BIRC6: variants seen among roughly 807,000 people sequenced by gnomAD.
BIRC6 encodes dual E2 ubiquitin-conjugating enzyme/E3 ubiquitin-protein ligase BIRC6.
Under a neutral mutation model 503.3 loss-of-function variants are expected in BIRC6, and 98 were observed. That is an observed-to-expected ratio of 0.19 (90% CI 0.17 to 0.23). BIRC6 has a LOEUF of 0.23. Ranked by LOEUF, BIRC6 falls within the 10% of genes least tolerant of loss-of-function variation. The pLI is 1.00. For missense variants in BIRC6, 5,360 were observed against 5,806.0 expected (o/e 0.92, Z 2.50); for synonymous variants, 2,240 against 2,078.7 (o/e 1.08, Z -2.11).
intron 23 of BIRC6, among the ~76,000 whole-genome samples, chr2:32,462,107 A>G (rs538090425): frequency 6.6e-6 from 1 of 152,244 alleles, no homozygotes; most frequent in Non-Finnish European, 1.5e-5. Context: ...AGTTGCCCAT[A>G]AAGTGAATTG....
At chr2:32,416,808 C>G (rs2042424167) in intron 10 of BIRC6, among the ~76,000 whole-genome samples, 1 of 141,838 alleles carries the variant, frequency 7.1e-6, no homozygotes, top group Admixed American at 7.3e-5. Context: ...CCCCCCTCCC[C>G]TTTCTTTCCC....
chr2:32,414,241 C>T (rs967056552), intron 9 of BIRC6, among the ~76,000 whole-genome samples: 2 of 152,188 alleles, frequency 1.3e-5, no homozygotes, highest in African/African-American at 4.8e-5. Context: ...CACACCATTG[C>T]ACTCCAGCCT....
At position 32,568,982 on chromosome 2, in the gene BIRC6, C is replaced by CTTTTTTTT. The variant is rs199909930; in HGVS notation, c.13145-6173_13145-6172insTTTTTTTT. ...TTTTGGAGGAGTCTCCCATGTCTCT[C>CTTTTTTTT]TCTTTTTTTTTTTTTTTTTGAGATG... On this transcript the variant is annotated intron_variant, in intron 65 of 73. Coordinates refer to ENST00000421745, the MANE Select transcript of BIRC6 (RefSeq NM_016252.4). Among the ~76,000 whole-genome samples the CTTTTTTTT allele has an allele frequency of 4.6e-5, 6 of 131,356 alleles. 1 individual carries two copies. The highest frequency in any genetic ancestry group is 8.2e-5 in the Non-Finnish European group (5 of 61,292). The allele number at this position is 131,356 out of a possible 152,430, so 86.2% of individuals were successfully genotyped here. A position where few individuals can be genotyped will look rare whatever the true frequency, so the allele number is the denominator to read the frequency against.
In BIRC6 at chr2:32,358,308, C is replaced by G. The variant is rs150847936; in HGVS notation, c.325+822C>G. On this transcript the variant is annotated intron_variant, in intron 1 of 73. Coordinates refer to ENST00000421745, the MANE Select transcript of BIRC6 (RefSeq NM_016252.4). ...CGAAAATTAGGATTTGAAGGTGTGT[C>G]TGAGTCTCACCATTGGAGGAGAGCA... is the stretch of plus-strand genomic sequence containing the variant. Among the ~76,000 whole-genome samples, 7 of 152,256 alleles carry G rather than the reference C, an allele frequency of 4.6e-5. No homozygotes were observed. In the East Asian group the frequency reaches 1.4e-3, roughly 29 times the overall value.
intron 65 of BIRC6, among the ~76,000 whole-genome samples, chr2:32,556,007 G>A (rs980988773): frequency 1.3e-5 from 2 of 150,124 alleles, no homozygotes; most frequent in Non-Finnish European, 3.0e-5. Flanking sequence ...TCTAGTTTTT[G>A]TGACAGTTAG....
chr2:32,531,083 G>T (rs1329020817), intron 60 of BIRC6, among the ~76,000 whole-genome samples: 6 of 152,112 alleles, frequency 3.9e-5, no homozygotes, highest in African/African-American at 1.4e-4. Context: ...TGTTAAAATG[G>T]AGATTCTTCA....
chr2:32,496,234 T>C (rs1005686485), intron 45 of BIRC6, among the ~76,000 whole-genome samples: 13 of 140,890 alleles, frequency 9.2e-5, no homozygotes, highest in Admixed American at 2.8e-4. Flanking sequence ...ATTCATACAC[T>C]TTTTTTTTTT....
chr2:32,575,759 C>T (rs1312606047), intron 66 of BIRC6, among the ~76,000 whole-genome samples: 5 of 150,458 alleles, frequency 3.3e-5, no homozygotes, highest in African/African-American at 4.9e-5. Flanking sequence ...AGCGAGACTC[C>T]GTCTCAAAAA....
chr2:32,436,269 A>G, intron 15 of BIRC6, 85 bp downstream of exon 15: 3 of 1,193,594 alleles, frequency 2.5e-6, no homozygotes, highest in Non-Finnish European at 2.2e-6. Context: ...AAAAAAAATA[A>G]GATTGTTTTC....
intron 12 of BIRC6, among the ~76,000 whole-genome samples, chr2:32,431,623 T>G (rs903145369): frequency 6.6e-6 from 1 of 152,222 alleles, no homozygotes; most frequent in Non-Finnish European, 1.5e-5. Context: ...TCATATTGCT[T>G]TTGGAAATTG....
intron 2 of BIRC6, 121 bp downstream of exon 2, chr2:32,377,890 T>A (rs1200161218): frequency 1.2e-6 from 1 of 814,554 alleles, no homozygotes; most frequent in African/African-American, 1.8e-5. Flanking sequence ...TAAAAACAAT[T>A]TACTTATTGA....
chr2:32,615,823 C>T (rs759619290), intron 73 of BIRC6, among the ~76,000 whole-genome samples: 34 of 151,912 alleles, frequency 2.2e-4, no homozygotes, highest in Admixed American at 5.9e-4. Context: ...TTTGTAGAGA[C>T]GGGGTTTCAC....
intron 73 of BIRC6, among the ~76,000 whole-genome samples, chr2:32,613,831 T>C (rs557731659): frequency 6.6e-6 from 1 of 152,332 alleles, no homozygotes; most frequent in Non-Finnish European, 1.5e-5. Context: ...GTTTTCCTTT[T>C]TCTTTTTTCC....
intron 3 of BIRC6, among the ~76,000 whole-genome samples, chr2:32,383,828 A>G (rs1028067694): frequency 3.3e-5 from 5 of 152,174 alleles, no homozygotes; most frequent in African/African-American, 1.2e-4. Flanking sequence ...CACCAAGCCC[A>G]GCTGGTGCTG....
At chr2:32,528,590 C>T (rs2056476960) in intron 59 of BIRC6, 1 of 152,162 alleles carries the variant, frequency 6.6e-6, no homozygotes, top group African/African-American at 2.4e-5. Flanking sequence ...GCTTAGTTGT[C>T]CTGACACATT....
intron 32 of BIRC6, 45 bp downstream of exon 32, chr2:32,471,169 T>C: frequency 3.9e-6 from 6 of 1,544,552 alleles, no homozygotes; most frequent in Non-Finnish European, 4.4e-6. Context: ...AAGTTTATAA[T>C]AATATGTTGG....
chr2:32,518,163 T>TG, intron 55 of BIRC6, 91 bp from the exon 56 acceptor site: 1 of 1,229,394 alleles, frequency 8.1e-7, no homozygotes, highest in Non-Finnish European at 1.1e-6. Flanking sequence ...AAAATAAACT[T>TG]ATTCATATTT....
In BIRC6 at chr2:32,515,656, A is replaced by C. The variant is rs1288304685; in HGVS notation, c.11235A>C (p.Ser3745=). ...GTGCAAGATCAGCTTCTCTTTCTTCAGCTGCTACAACAGGACTGACTACTC... is the reference window on the plus strand; with the variant it reads ...GTGCAAGATCAGCTTCTCTTTCTTCCGCTGCTACAACAGGACTGACTACTC... ...QTSARSASLS[S]AATTGLTTQQ... is the part of the protein sequence containing the mutation. Residue 3745 remains serine (S), a synonymous_variant, in exon 55 of 74, where the codon TCA becomes TCC. Coordinates refer to ENST00000421745, the MANE Select transcript of BIRC6 (RefSeq NM_016252.4). The C allele has an allele frequency of 6.2e-7, 1 of 1,610,142 alleles. No homozygotes were observed. Among genetic ancestry groups the C allele is most frequent in the Non-Finnish European group, 8.5e-7 (1 of 1,179,882 alleles).
chr2:32,547,660 C>A (rs900833678), intron 63 of BIRC6, among the ~76,000 whole-genome samples, 190 bp from the exon 64 acceptor site: 4 of 152,090 alleles, frequency 2.6e-5, no homozygotes, highest in Non-Finnish European at 5.9e-5. Flanking sequence ...TATTTCAGCA[C>A]CAGTTTTTAT....
Sources: gnomAD v4.1 joint callset for allele counts (sites outside exome capture counted in the v4.1 genomes callset) on GRCh38, gnomAD v4.1.1 for gene constraint, MANE v1.5 for transcripts, NCBI Gene and HGNC (gene_info 2026-07-23, HGNC 2026-07-21) for gene names.